Variants in SDC1 observed in about 807,000 individuals in gnomAD.
The protein encoded by SDC1 is syndecan-1.
Under a neutral mutation model 29.7 loss-of-function variants are expected in SDC1, and 14 were observed. The ratio of observed to expected loss-of-function variants is 0.47; its 90% CI spans 0.31 to 0.74. The LOEUF is 0.74. Ranked by LOEUF, SDC1 falls within the 30% of genes least tolerant of loss-of-function variation. The pLI is 0.05. For synonymous variants in SDC1, 204 were observed against 175.5 expected, an observed-to-expected ratio of 1.16 and a Z score of -1.29; for missense variants, 406 against 400.3, an observed-to-expected ratio of 1.01 and a Z score of -0.12.
Position 20,201,610 on chromosome 2 carries a change from T to C in SDC1, c.*1156A>G, listed in dbSNP as rs568747193. ...ACTATCACTCTTTGGAAAATATTCC[T>C]GATTCCAGCCCAGGGCCCAGGGTGG... On this transcript the variant is annotated 3_prime_UTR_variant, in exon 5 of 5. Transcript: ENST00000254351. 2.6e-5 allele frequency: 4 copies of C among 152,810 alleles called. No individual in the cohort carries two copies. The highest frequency in any genetic ancestry group is 1.3e-4 in the Admixed American group (2 of 15,304). 9.5% of individuals were successfully genotyped at this position (152,810 alleles called of 1,614,324 possible).
intron 1 of SDC1, among the ~76,000 whole-genome samples, chr2:20,217,657 T>A (rs1326476956): frequency 1.3e-5 from 2 of 152,158 alleles, no homozygotes; most frequent in Non-Finnish European, 2.9e-5. Flanking sequence ...ACTCTCTGCC[T>A]CGTGCCGGCC....
intron 1 of SDC1, chr2:20,208,068 AG>A (rs1426424946): frequency 1.0e-6 from 1 of 985,342 alleles, no homozygotes; most frequent in African/African-American, 1.7e-5. Flanking sequence ...GCTGCATTGT[AG>A]AGTGCCGAAT....
Position 20,203,966 on chromosome 2 carries a change from C to G in SDC1, c.474G>C (p.Gln158His). The stretch of plus-strand genomic sequence containing the variant: ...GGGTTGAGGTCTCATGGTGGCCAGG[C>G]TGCATGTCCCTGTGGGGGTGGGAGG... ...PATSHPHRDM[Q>H]PGHHETSTPA... is the part of the protein sequence containing the mutation. The change falls in exon 3 of 5, where the codon CAG becomes CAC. Residue 158 changes from glutamine to histidine, a missense_variant. Transcript: ENST00000254351. The G allele has an allele frequency of 6.2e-7, 1 of 1,613,964 alleles. No individual in the cohort carries two copies. The highest frequency in any genetic ancestry group is 8.5e-7 in the Non-Finnish European group (1 of 1,179,998).
At chr2:20,204,434 G>A in intron 2 of SDC1, 143 bp from the exon 3 acceptor site, 1 of 655,232 alleles carries the variant, frequency 1.5e-6, no homozygotes, top group Non-Finnish European at 2.7e-6. Context: ...ACCTGGACAA[G>A]GCAGCTGAGG....
rs765307843 is a variant in SDC1 at position 20,204,146 on chromosome 2, C to A, written c.294G>T (p.Gly98=). ...ASTSTLPAGE[G]PKEGEAVVLP... Reference sequence around the variant, plus strand: ...GGACTACAGCCTCTCCCTCCTTGGGCCCCTCTCCAGCCGGCAGGGTGGAGG... The same window carrying A: ...GGACTACAGCCTCTCCCTCCTTGGGACCCTCTCCAGCCGGCAGGGTGGAGG... Residue 98 remains glycine, a synonymous_variant, in exon 3 of 5, where the codon GGG becomes GGT. Transcript: ENST00000254351. 12 of 1,602,886 alleles carry A rather than the reference C, an allele frequency of 7.5e-6. No individual in the cohort carries two copies. The highest frequency in any genetic ancestry group is 1.0e-5 in the Non-Finnish European group (12 of 1,179,868).
Position 20,202,841 on chromosome 2 carries a change from G to A in SDC1, c.858C>T (p.Tyr286=). The A allele has an allele frequency of 1.2e-6, 2 of 1,613,918 alleles. No individual in the cohort carries two copies. The highest frequency in any genetic ancestry group is 1.7e-6 in the Non-Finnish European group (2 of 1,179,940). ...YRMKKKDEGS[Y]SLEEPKQANG... is the part of the protein sequence containing the mutation. Reference sequence around the variant, plus strand: ...TGGCTTGTTTCGGCTCCTCCAAGGAGTAGCTGCCTTCGTCCTTCTTCTTCA... The same window carrying A: ...TGGCTTGTTTCGGCTCCTCCAAGGAATAGCTGCCTTCGTCCTTCTTCTTCA... Residue 286 remains tyrosine (Y), a synonymous_variant, in exon 5 of 5, where the codon TAC becomes TAT. Coordinates refer to ENST00000254351, the MANE Select transcript of SDC1 (RefSeq NM_002997.5).
At chr2:20,214,698 C>T (rs1227409513) in intron 1 of SDC1, among the ~76,000 whole-genome samples, 1 of 152,140 alleles carries the variant, frequency 6.6e-6, no homozygotes, top group Admixed American at 6.5e-5. Flanking sequence ...ACATGCCTTG[C>T]CCAGAGCTCA....
At chr2:20,221,163 C>T (rs1677803045) in intron 1 of SDC1, among the ~76,000 whole-genome samples, 1 of 152,114 alleles carries the variant, frequency 6.6e-6, no homozygotes, top group South Asian at 2.1e-4. Flanking sequence ...ATGAAGGGTA[C>T]AAAATCCACA....
chr2:20,217,520 C>T (rs1677665523), intron 1 of SDC1, among the ~76,000 whole-genome samples: 1 of 152,192 alleles, frequency 6.6e-6, no homozygotes. Flanking sequence ...CCTCTCAGCC[C>T]CTTCCCCCTA....
At chr2:20,209,207 C>T (rs779978535) in intron 1 of SDC1, among the ~76,000 whole-genome samples, 1 of 152,312 alleles carries the variant, frequency 6.6e-6, no homozygotes, top group Admixed American at 6.5e-5. Context: ...GCTGGAAACA[C>T]TTTCCACCCA....
rs1316162888 is a variant in SDC1, at chr2:20,202,563, C to T, written c.*203G>A. On this transcript the variant is annotated 3_prime_UTR_variant, in exon 5 of 5. Transcript: ENST00000254351. ...GGTCCTATGCGAGAAACCCCTGGTGCCCTAAGTCTCCAGGCAGAAGTCAGA... is the reference window on the plus strand; with the variant it reads ...GGTCCTATGCGAGAAACCCCTGGTGTCCTAAGTCTCCAGGCAGAAGTCAGA... The T allele has an allele frequency of 8.1e-6, 5 of 619,108 alleles. No individual in the cohort carries two copies. The highest frequency in any genetic ancestry group is 1.4e-5 in the Non-Finnish European group (5 of 350,336). The allele number at this position is 619,108 out of a possible 1,614,324, so 38.4% of individuals were successfully genotyped here.
In SDC1 at chr2:20,202,030, G is replaced by C. The variant is rs1361104861; in HGVS notation, c.*736C>G. Reference sequence around the variant, plus strand: ...TCCATACCCTGTTGCACACATGAGCGACAAACTCAAGAGACAACACACAAA... The same window carrying C: ...TCCATACCCTGTTGCACACATGAGCCACAAACTCAAGAGACAACACACAAA... On this transcript the variant is annotated 3_prime_UTR_variant, in exon 5 of 5. Coordinates refer to ENST00000254351, the MANE Select transcript of SDC1 (RefSeq NM_002997.5). The C allele has an allele frequency of 2.0e-6, 1 of 508,870 alleles. No individual in the cohort carries two copies. 31.5% of individuals were successfully genotyped at this position (508,870 alleles called of 1,614,324 possible). A position where few individuals can be genotyped will look rare whatever the true frequency, so the allele number is the denominator to read the frequency against.
chr2:20,206,174 T>C (rs1677264859), intron 1 of SDC1, among the ~76,000 whole-genome samples: 2 of 152,172 alleles, frequency 1.3e-5, no homozygotes, highest in African/African-American at 4.8e-5. Context: ...GCTGGGGACA[T>C]ATAAGGCTAA....
chr2:20,219,779 CAGTTGAA>C (rs1475069011), intron 1 of SDC1, among the ~76,000 whole-genome samples: 1 of 152,206 alleles, frequency 6.6e-6, no homozygotes. Context: ...AATCGGGCAA[CAGTTGAA>C]GCCCGGCAAT....
intron 1 of SDC1, chr2:20,223,173 G>C (rs1048445386): frequency 1.8e-6 from 2 of 1,113,088 alleles, no homozygotes; most frequent in Admixed American, 2.3e-5. Flanking sequence ...ACCTCTCCTG[G>C]ACCGGAAAAT....
At chr2:20,207,408 C>T in intron 1 of SDC1, 1 of 984,958 alleles carries the variant, frequency 1.0e-6, no homozygotes, top group Non-Finnish European at 1.2e-6. Context: ...TCCACCATGG[C>T]CCATCTACAA....
In SDC1 at chr2:20,202,357, A is replaced by G; in HGVS notation, c.*409T>C. ...CCCCAAGATGCTTGGTCCTACCAGT[A>G]AGTGCTACAGGTGTGTGAGCCCCAA... On this transcript the variant is annotated 3_prime_UTR_variant, in exon 5 of 5. Transcript: ENST00000254351. The G allele has an allele frequency of 1.3e-6, 1 of 765,634 alleles. No homozygotes were observed. The highest frequency in any genetic ancestry group is 2.4e-6 in the Non-Finnish European group (1 of 412,176). The allele number at this position is 765,634 out of a possible 1,614,324, so 47.4% of individuals were successfully genotyped here.
intron 1 of SDC1, among the ~76,000 whole-genome samples, chr2:20,219,751 G>A (rs2148296581): frequency 6.6e-6 from 1 of 152,300 alleles, no homozygotes; most frequent in South Asian, 2.1e-4. Context: ...TTCCAAAACT[G>A]GTTGGTGAAA....
Position 20,203,172 on chromosome 2 carries a change from C to G in SDC1, c.678G>C (p.Glu226Asp). 1 of 1,612,978 alleles carries G rather than the reference C, an allele frequency of 6.2e-7. No homozygotes were observed. The highest frequency in any genetic ancestry group is 8.5e-7 in the Non-Finnish European group (1 of 1,179,596). ...CTGGGGACTGGTTCCGGCGGTCAGG[C>G]TCCACGGCCACTACAGCCGTATTCT... ...SGENTAVVAVEPDRRNQSPVD... is the reference protein window; with the variant it reads ...SGENTAVVAVDPDRRNQSPVD... Residue 226 changes from glutamate (E) to aspartate (D), a missense_variant, in exon 4 of 5, where the codon GAG becomes GAC. Glu to Asp is a conservative substitution (Grantham distance 45, BLOSUM62 2). Transcript: ENST00000254351.
Sources: allele counts gnomAD v4.1 joint callset (sites outside exome capture counted in the v4.1 genomes callset), GRCh38; gene constraint gnomAD v4.1.1; transcripts MANE v1.5; gene names NCBI Gene and HGNC (gene_info 2026-07-23, HGNC 2026-07-21).